The following SLC12A4 variants were observed in gnomAD, a reference collection of about 807,000 sequenced individuals.
SLC12A4 encodes electroneutral potassium-chloride cotransporter 1.
In SLC12A4, 84 loss-of-function variants were observed where a neutral mutation model predicts 119.2. The ratio of observed to expected loss-of-function variants is 0.70; its 90% CI spans 0.59 to 0.85. The LOEUF is 0.85. Ranked by LOEUF, SLC12A4 falls within the 40% of genes least tolerant of loss-of-function variation. SLC12A4 has a pLI of 0.00. For missense variants in SLC12A4, 1,298 were observed against 1,476.3 expected, an observed-to-expected ratio of 0.88 and a Z score of 1.98; for synonymous variants, 599 against 604.6, an observed-to-expected ratio of 0.99 and a Z score of 0.14.
In SLC12A4 at chr16:67,945,146, G is replaced by A; in HGVS notation, c.3107C>T (p.Ala1036Val). ...AGGCATGTTTAGGAGAACCAGGCGG[G>A]CGTCGTGGGAGCGCGTGACAATGAC... ...NEVIVTRSHD[A>V]RLVLLNMPGP... Residue 1036 changes from alanine (A) to valine (V), a missense_variant, in exon 23 of 24, where the codon GCC becomes GTC. Coordinates refer to ENST00000316341, the MANE Select transcript of SLC12A4 (RefSeq NM_005072.5). 6.3e-7 allele frequency: 1 copy of A among 1,599,816 alleles called. No individual in the cohort carries two copies. Among genetic ancestry groups the A allele is most frequent in the Non-Finnish European group, 8.5e-7 (1 of 1,171,990 alleles).
At position 67,945,214 on chromosome 16, in the gene SLC12A4, T is replaced by A. The variant is rs150617520; in HGVS notation, c.3039A>T (p.Gln1013His). 4 of 1,558,604 alleles carry A rather than the reference T, an allele frequency of 2.6e-6. No homozygotes were observed. The highest frequency in any genetic ancestry group is 1.4e-5 in the African/African-American group (1 of 73,540). ...CAGTGTGCATGCGCCGCACATTGGA[T>A]TGGTCCCTACACGTAGTGTAGCCAG... Reference protein sequence around the residue: ...FRELVHIKPDQSNVRRMHTAV... With the variant: ...FRELVHIKPDHSNVRRMHTAV... The change falls in exon 23 of 24, where the codon CAA becomes CAT. Residue 1013 changes from glutamine to histidine, a missense_variant. By Grantham distance (24) the Gln-to-His change is conservative. Coordinates refer to ENST00000316341, the MANE Select transcript of SLC12A4 (RefSeq NM_005072.5).
intron 6 of SLC12A4, among the ~76,000 whole-genome samples, chr16:67,953,343 T>A (rs1033164104): frequency 6.6e-6 from 1 of 152,036 alleles, no homozygotes; most frequent in African/African-American, 2.4e-5. Context: ...GCTGTGATCA[T>A]GCCACTGCAC....
chr16:67,954,375 G>A (rs2151331633), intron 6 of SLC12A4, among the ~76,000 whole-genome samples: 1 of 152,360 alleles, frequency 6.6e-6, no homozygotes, highest in Middle Eastern at 3.4e-3. Context: ...TGGAACCCTT[G>A]CCATGGCTGC....
intron 14 of SLC12A4, 95 bp downstream of exon 14, chr16:67,947,966 G>T: frequency 6.7e-7 from 1 of 1,489,766 alleles, no homozygotes; most frequent in Non-Finnish European, 9.4e-7. Flanking sequence ...CCTCCCCACA[G>T]TGTTTCAAGA....
Position 67,944,301 on chromosome 16 carries a change from G to A in SLC12A4, c.*539C>T, listed in dbSNP as rs914895302. ...TTCCGCCTTCTTCTCTTGGCGCCAG[G>A]GGAAACAGAGCCGGGGCAGCAGGAG... On this transcript the variant is annotated 3_prime_UTR_variant, in exon 24 of 24. Transcript: ENST00000316341. This position sits in a 1 kb window ranked among gnomAD's most constrained non-coding sequence, Gnocchi z 6.6. 3.5e-6 allele frequency: 5 copies of A among 1,411,284 alleles called. No individual in the cohort carries two copies. The highest frequency in any genetic ancestry group is 2.9e-5 in the Admixed American group (1 of 34,414). 87.4% of individuals were successfully genotyped at this position (1,411,284 alleles called of 1,614,324 possible). A position where few individuals can be genotyped will look rare whatever the true frequency, so the allele number is the denominator to read the frequency against.
Position 67,946,454 on chromosome 16 carries a change from G to A in SLC12A4, c.2421C>T (p.Ala807=). 1 of 1,605,968 alleles carries A rather than the reference G, an allele frequency of 6.2e-7. No individual in the cohort carries two copies. The highest frequency in any genetic ancestry group is 8.5e-7 in the Non-Finnish European group (1 of 1,179,884). Residue 807 remains alanine (A), a synonymous_variant, in exon 18 of 24, where the codon GCC becomes GCT. Transcript: ENST00000316341. ...TTCACACACCAATGAAGGTCTTCCA[G>A]GCACGGGGGTCCTCGCTCTGTCGCC... ...YGWRQSEDPR[A]WKTFIDTVRC...
rs535283352 is a variant in SLC12A4, at chr16:67,944,568, C to T, written c.*272G>A. Reference sequence around the variant, plus strand: ...GGGCCGGCTGCCTTCAAACCCCACTCGGCCCCTACCAGTCTTCTCTGGCCA... The same window carrying T: ...GGGCCGGCTGCCTTCAAACCCCACTTGGCCCCTACCAGTCTTCTCTGGCCA... On this transcript the variant is annotated 3_prime_UTR_variant, in exon 24 of 24. Coordinates refer to ENST00000316341, the MANE Select transcript of SLC12A4 (RefSeq NM_005072.5). This position sits in a 1 kb window ranked among gnomAD's most constrained non-coding sequence, Gnocchi z 6.6. The T allele has an allele frequency of 3.7e-5, 48 of 1,304,950 alleles. No homozygotes were observed. In the South Asian group the frequency reaches 6.6e-4, roughly 18 times the overall value. The allele number at this position is 1,304,950 out of a possible 1,614,324, so 80.8% of individuals were successfully genotyped here. A position where few individuals can be genotyped will look rare whatever the true frequency, so the allele number is the denominator to read the frequency against.
At position 67,943,717 on chromosome 16, in the gene SLC12A4, C is replaced by G; in HGVS notation, c.*1123G>C. ...CCCAGCCAAGACCTCAGGCACACCC[C>G]GTCCCCCACTCCGCCCCCCCTGGGT... On this transcript the variant is annotated 3_prime_UTR_variant, in exon 24 of 24. Coordinates refer to ENST00000316341, the MANE Select transcript of SLC12A4 (RefSeq NM_005072.5). The surrounding 1 kb of genome is among the most constrained non-coding windows in gnomAD (Gnocchi z 4.6). 1 of 567,030 alleles carries G rather than the reference C, an allele frequency of 1.8e-6. No homozygotes were observed. The allele number at this position is 567,030 out of a possible 1,614,324, so 35.1% of individuals were successfully genotyped here.
chr16:67,958,687 G>A (rs2030403406), intron 3 of SLC12A4, among the ~76,000 whole-genome samples: 1 of 152,016 alleles, frequency 6.6e-6, no homozygotes, highest in Non-Finnish European at 1.5e-5. Context: ...CTTGGCTTGG[G>A]CCACCAGATG....
intron 6 of SLC12A4, 97 bp downstream of exon 6, chr16:67,954,546 C>A: frequency 6.8e-7 from 1 of 1,470,608 alleles, no homozygotes; most frequent in African/African-American, 1.4e-5. Context: ...CAGGCCTTGG[C>A]CAGACATGTG....
At position 67,945,753 on chromosome 16, in the gene SLC12A4, A is replaced by T. The variant is rs1248380870; in HGVS notation, c.2847+11T>A. The T allele has an allele frequency of 6.2e-7, 1 of 1,610,884 alleles. No individual in the cohort carries two copies. Among genetic ancestry groups the T allele is most frequent in the South Asian group, 1.1e-5 (1 of 90,948 alleles). ...CCACCCGCCCTGGCGTGAACCACAAAGGGCACTGACTTCTCGCTCCCGCTC... is the reference window on the plus strand; with the variant it reads ...CCACCCGCCCTGGCGTGAACCACAATGGGCACTGACTTCTCGCTCCCGCTC... On this transcript the variant is annotated intron_variant, in intron 21 of 23. Coordinates refer to ENST00000316341, the MANE Select transcript of SLC12A4 (RefSeq NM_005072.5).
chr16:67,963,557 G>A lies in SLC12A4; in HGVS notation c.118C>T (p.His40Tyr), dbSNP rs1202497531. ...GGGCTGCTCTCTCTGTGGTTGCCAT[G>A]TCCTGTGAAGAGAGAGGGACAATCA... is the stretch of plus-strand genomic sequence containing the variant. ...ERAELDDSDG[H>Y]GNHRESSPFL... Residue 40 changes from histidine to tyrosine, a missense_variant and splice_region_variant, in exon 2 of 24, where the codon CAT becomes TAT. Transcript: ENST00000316341. 1.9e-6 allele frequency: 3 copies of A among 1,567,272 alleles called. No homozygotes were observed. The highest frequency in any genetic ancestry group is 1.7e-6 in the Non-Finnish European group (2 of 1,163,210).
intron 22 of SLC12A4, 37 bp downstream of exon 22, chr16:67,945,332 A>G (rs1228241651): frequency 6.3e-7 from 1 of 1,589,876 alleles, no homozygotes; most frequent in Admixed American, 1.7e-5. Flanking sequence ...CCACCCCTAG[A>G]TTCCAGTGCC....
In SLC12A4 at chr16:67,943,753, A is replaced by C; in HGVS notation, c.*1087T>G. 1.7e-6 allele frequency: 1 copy of C among 600,228 alleles called. No individual in the cohort carries two copies. The highest frequency in any genetic ancestry group is 2.9e-6 in the Non-Finnish European group (1 of 347,334). 37.2% of individuals were successfully genotyped at this position (600,228 alleles called of 1,614,324 possible). On this transcript the variant is annotated 3_prime_UTR_variant, in exon 24 of 24. Transcript: ENST00000316341. This position sits in a 1 kb window ranked among gnomAD's most constrained non-coding sequence, Gnocchi z 4.6. The stretch of plus-strand genomic sequence containing the variant: ...CCGCCCCCCCTGGGTTAGACAACTG[A>C]GAGTCACAGTGTGGTGGGAGAAGGG...
chr16:67,945,794 C>T lies in SLC12A4; in HGVS notation c.2817G>A (p.Met939Ile), dbSNP rs2058337605. 2 of 1,613,818 alleles carry T rather than the reference C, an allele frequency of 1.2e-6. No homozygotes were observed. Among genetic ancestry groups the T allele is most frequent in the Non-Finnish European group, 1.7e-6 (2 of 1,180,036 alleles). ...MEQRSQMLRQ[M>I]RLTKTERERE... is the part of the protein sequence containing the mutation. ...GCTCCCGCTCAGTCTTGGTCAGTCTCATCTGCCGCAGCATCTGCGACCGCT... is the reference window on the plus strand; with the variant it reads ...GCTCCCGCTCAGTCTTGGTCAGTCTTATCTGCCGCAGCATCTGCGACCGCT... The change falls in exon 21 of 24, where the codon ATG becomes ATA. Residue 939 changes from methionine to isoleucine, a missense_variant. Physicochemically the swap from Met to Ile is conservative, Grantham distance 10. Coordinates refer to ENST00000316341, the MANE Select transcript of SLC12A4 (RefSeq NM_005072.5).
intron 3 of SLC12A4, among the ~76,000 whole-genome samples, chr16:67,959,266 G>A (rs1362551140): frequency 6.6e-6 from 1 of 152,324 alleles, no homozygotes; most frequent in Admixed American, 6.5e-5. Context: ...GAGCCCCCAA[G>A]AGTGCAGCCT....
chr16:67,953,668 G>A (rs1012398595), intron 6 of SLC12A4, among the ~76,000 whole-genome samples: 2 of 152,132 alleles, frequency 1.3e-5, no homozygotes, highest in Non-Finnish European at 2.9e-5. Context: ...ATTGGTATGG[G>A]AATTGCATGG....
chr16:67,946,170 C>A lies in SLC12A4; in HGVS notation c.2607+1G>T, dbSNP rs1472262055. ...TCATCTGCACCCACCCCCTGGTCTACCTTATGCTGGCGCAGCAGGAAGGGC... is the reference window on the plus strand; with the variant it reads ...TCATCTGCACCCACCCCCTGGTCTAACTTATGCTGGCGCAGCAGGAAGGGC... On this transcript the variant is annotated splice_donor_variant, in intron 19 of 23. Coordinates refer to ENST00000316341, the MANE Select transcript of SLC12A4 (RefSeq NM_005072.5). LOFTEE classifies it high-confidence loss of function. 1.9e-6 allele frequency: 3 copies of A among 1,613,854 alleles called. No homozygotes were observed. Among genetic ancestry groups the A allele is most frequent in the Non-Finnish European group, 2.5e-6 (3 of 1,180,054 alleles).
chr16:67,947,721 G>A lies in SLC12A4; in HGVS notation c.1915C>T (p.Leu639=). ...LMFVSSWYYA[L]VAMLIAGMIY... The stretch of plus-strand genomic sequence containing the variant: ...ATGCCGGCGATGAGCATGGCCACCA[G>A]GGCATAGTACCAGGAGGAGACAAAC... The change falls in exon 15 of 24, where the codon CTG becomes TTG. Residue 639 remains leucine, a synonymous_variant. Transcript: ENST00000316341. 3.1e-6 allele frequency: 5 copies of A among 1,600,308 alleles called. No individual in the cohort carries two copies. The South Asian group carries it at 5.6e-5, about 18-fold the overall frequency.
Sources: gnomAD v4.1 joint callset for allele counts (sites outside exome capture counted in the v4.1 genomes callset) on GRCh38, gnomAD v4.1.1 for gene constraint, Gnocchi (gnomAD v3.1) non-coding constraint, MANE v1.5 for transcripts, NCBI Gene and HGNC (gene_info 2026-07-23, HGNC 2026-07-21) for gene names.